Variants in OOSP3 observed in about 807,000 individuals in gnomAD.
OOSP3 encodes oocyte-secreted protein 3.
At chr11:59,883,051 T>C (rs1006082431) in intron 2 of OOSP3, among the ~76,000 whole-genome samples, 3 of 152,198 alleles carry the variant, frequency 2.0e-5, no homozygotes, top group Non-Finnish European at 2.9e-5. Context: ...TTTTCAATTG[T>C]GTTGGGTAAA....
exon 1 of OOSP3, chr11:59,878,810 T>C (rs1237694094): frequency 2.5e-6 from 1 of 398,570 alleles, no homozygotes; most frequent in Non-Finnish European, 4.4e-6. Context: ...GCTGACGTCA[T>C]GAAAGATTTT....
At chr11:59,878,919 A>G in intron 1 of OOSP3, 38 bp downstream of exon 1, 1 of 398,330 alleles carries the variant, frequency 2.5e-6, no homozygotes, top group African/African-American at 2.1e-5. Flanking sequence ...TTGAAGTCAT[A>G]GTTTCTTAGC....
At chr11:59,884,357 C>T (rs1261955489) in intron 2 of OOSP3, among the ~76,000 whole-genome samples, 1 of 151,810 alleles carries the variant, frequency 6.6e-6, no homozygotes, top group Non-Finnish European at 1.5e-5. Flanking sequence ...GATCTTGTCT[C>T]CTACAACATT....
At chr11:59,888,126 G>A (rs369038480) in intron 2 of OOSP3, among the ~76,000 whole-genome samples, 20 of 152,130 alleles carry the variant, frequency 1.3e-4, no homozygotes, top group African/African-American at 4.8e-4. Flanking sequence ...GTATAGGAAT[G>A]CTTGTGATTT....
intron 2 of OOSP3, among the ~76,000 whole-genome samples, chr11:59,889,220 TTTG>T (rs1853288245): frequency 6.6e-6 from 1 of 151,500 alleles, no homozygotes; most frequent in African/African-American, 2.4e-5. Context: ...GTCTACCTAT[TTTG>T]TTGATTTTTT....
chr11:59,895,945 C>G (rs1282300663), intron 4 of OOSP3, among the ~76,000 whole-genome samples, 188 bp from the exon 5 acceptor site: 2 of 152,184 alleles, frequency 1.3e-5, no homozygotes, highest in Non-Finnish European at 2.9e-5. Context: ...AAACCACTTA[C>G]TTTAAATAGT....
chr11:59,892,569 C>A (rs192938865), intron 2 of OOSP3, among the ~76,000 whole-genome samples: 7 of 152,132 alleles, frequency 4.6e-5, no homozygotes, highest in African/African-American at 1.4e-4. Flanking sequence ...AGTAGTGGAG[C>A]CTGGTGATGC....
chr11:59,892,197 T>TA (rs1853318306), intron 2 of OOSP3, among the ~76,000 whole-genome samples: 1 of 152,144 alleles, frequency 6.6e-6, no homozygotes, highest in African/African-American at 2.4e-5. Context: ...CTGTGGGTTG[T>TA]AAAAATCCAT....
At chr11:59,881,765 G>A (rs969565817) in intron 2 of OOSP3, among the ~76,000 whole-genome samples, 20 of 152,168 alleles carry the variant, frequency 1.3e-4, no homozygotes, top group Admixed American at 1.0e-3. Flanking sequence ...AGTAACTCAG[G>A]AGGCTGAGAC....
Position 59,886,894 on chromosome 11 carries a change from G to A in OOSP3, c.252+6455G>A, listed in dbSNP as rs569839650. ...CAACCTCCGCCTCCCAGATTCAAGC[G>A]ATTCTGCTGCCTCAGCCTCCCGAAT... On this transcript the variant is annotated intron_variant, in intron 2 of 4. Transcript: ENST00000646438. 5.2e-4 allele frequency among the ~76,000 whole-genome samples: 79 copies of A among 151,496 alleles called. No homozygotes were observed. The South Asian group carries it at 0.014, about 27-fold the overall frequency.
intron 2 of OOSP3, among the ~76,000 whole-genome samples, chr11:59,883,253 T>TAAAGAG (rs1853220313): frequency 1.3e-5 from 2 of 152,210 alleles, no homozygotes; most frequent in African/African-American, 4.8e-5. Context: ...TATTCTATTG[T>TAAAGAG]TTGGTTTCTT....
At chr11:59,884,467 GTCTGTCTGTCTCTCTCTC>G (rs1311550930) in intron 2 of OOSP3, among the ~76,000 whole-genome samples, 1,373 of 121,832 alleles carry the variant, frequency 0.011, 23 homozygotes, top group African/African-American at 0.04. Flanking sequence ...CTGTCTGTCT[GTCTGTCTGTCTCTCTCTC>G]TCTCTCTCTC....
chr11:59,880,896 A>C (rs1453507621), intron 2 of OOSP3, among the ~76,000 whole-genome samples: 1 of 152,246 alleles, frequency 6.6e-6, no homozygotes, highest in Non-Finnish European at 1.5e-5. Context: ...TACCAGAGGT[A>C]GAATTCACTA....
intron 3 of OOSP3, 135 bp downstream of exon 3, chr11:59,894,311 TGA>T (rs1398670118): frequency 2.3e-5 from 9 of 393,360 alleles, no homozygotes; most frequent in Non-Finnish European, 3.6e-5. Context: ...TGTGCAATGA[TGA>T]GGTATTTATC....
At chr11:59,895,455 T>G (rs1435834647) in intron 3 of OOSP3, 47 bp from the exon 4 acceptor site, 2 of 398,072 alleles carry the variant, frequency 5.0e-6, no homozygotes, top group Non-Finnish European at 8.9e-6. Context: ...TTGTTTATTT[T>G]TAAATGTAAT....
At chr11:59,893,530 G>C (rs966324319) in intron 2 of OOSP3, among the ~76,000 whole-genome samples, 2 of 151,976 alleles carry the variant, frequency 1.3e-5, no homozygotes, top group Non-Finnish European at 1.5e-5. Flanking sequence ...ATTGTTTTTT[G>C]ATTTTTAGTA....
chr11:59,879,073 T>C (rs1268657273), intron 1 of OOSP3, among the ~76,000 whole-genome samples, 192 bp downstream of exon 1: 1 of 152,236 alleles, frequency 6.6e-6, no homozygotes, highest in African/African-American at 2.4e-5. Flanking sequence ...ATCCTAATAC[T>C]TGAGAAAGAG....
chr11:59,884,120 C>T (rs144163836), intron 2 of OOSP3, among the ~76,000 whole-genome samples: 1 of 152,258 alleles, frequency 6.6e-6, no homozygotes, highest in East Asian at 1.9e-4. Context: ...AAATAACAGA[C>T]AGCAATTTAA....
chr11:59,887,280 T>G (rs567973270), intron 2 of OOSP3, among the ~76,000 whole-genome samples: 3 of 152,212 alleles, frequency 2.0e-5, no homozygotes, highest in Admixed American at 1.3e-4. Context: ...TTAGTTTAAT[T>G]AGATCCCATT....
Sources: allele counts gnomAD v4.1 joint callset (sites outside exome capture counted in the v4.1 genomes callset), GRCh38; gene constraint gnomAD v4.1.1; transcripts MANE v1.5; gene names NCBI Gene and HGNC (gene_info 2026-07-23, HGNC 2026-07-21).